VIL1: variants seen among roughly 807,000 people sequenced by gnomAD.
VIL1 encodes the protein villin 1.
Under a neutral mutation model 104.0 loss-of-function variants are expected in VIL1, and 86 were observed. The ratio of observed to expected loss-of-function variants is 0.83; its 90% CI spans 0.69 to 0.99. VIL1 has a LOEUF of 0.99. Ranked by LOEUF, VIL1 falls within the 50% of genes least tolerant of loss-of-function variation. The pLI, the probability that VIL1 is intolerant of heterozygous loss-of-function variation, is 0.00. For synonymous variants in VIL1, 394 were observed against 412.6 expected (o/e 0.95, Z 0.55); for missense variants, 944 against 1,054.1 (o/e 0.90, Z 1.45).
intron 4 of VIL1, among the ~76,000 whole-genome samples, chr2:218,427,182 C>CT (rs962248735): frequency 3.3e-5 from 5 of 152,196 alleles, no homozygotes; most frequent in Non-Finnish European, 7.4e-5. Flanking sequence ...AGTTCCCACT[C>CT]TTTTTTTGTC....
rs1688942512 is a variant in VIL1 at position 218,424,357 on chromosome 2, T to C, written c.150+6T>C. On this transcript the variant is annotated splice_donor_region_variant and intron_variant, in intron 3 of 19. Transcript: ENST00000248444. ...ACTGCTACATCATCCTGGCTGTGAG[T>C]CAGGGGCAGGGGAGGGGGCTGAGCA... 3.1e-6 allele frequency: 5 copies of C among 1,613,322 alleles called. No individual in the cohort carries two copies. The highest frequency in any genetic ancestry group is 4.2e-6 in the Non-Finnish European group (5 of 1,179,828).
rs1239013741 is a variant in VIL1 at position 218,451,528 on chromosome 2, T to C, written c.*2192T>C. On this transcript the variant is annotated 3_prime_UTR_variant, in exon 20 of 20. Transcript: ENST00000248444. ...GTAGATCACAAATGAGTTTACAAAC[T>C]ACTTTTTTTTCTCTTTAATTTAGGT... The C allele has an allele frequency of 6.6e-6, 1 of 151,788 alleles. No individual in the cohort carries two copies. The highest frequency in any genetic ancestry group is 1.5e-5 in the Non-Finnish European group (1 of 68,018). The allele number at this position is 151,788 out of a possible 1,614,324, so 9.4% of individuals were successfully genotyped here. A position where few individuals can be genotyped will look rare whatever the true frequency, so the allele number is the denominator to read the frequency against.
In VIL1 at chr2:218,425,811, T is replaced by C; in HGVS notation, c.347T>C (p.Val116Ala). 1 of 1,603,240 alleles carries C rather than the reference T, an allele frequency of 6.2e-7. No individual in the cohort carries two copies. The highest frequency in any genetic ancestry group is 8.5e-7 in the Non-Finnish European group (1 of 1,173,642). The change falls in exon 4 of 20, where the codon GTG (valine) becomes GCG (alanine). Residue 116 changes from valine (V) to alanine (A), a missense_variant and splice_region_variant. Physicochemically the swap from Val to Ala is moderately conservative, Grantham distance 64. Transcript: ENST00000248444. Reference sequence around the variant, plus strand: ...CGAGGCTACTTCAAGCAAGGCCTTGTGTAGGGAGGGTGGGCTGCAGGCCGG... The same window carrying C: ...CGAGGCTACTTCAAGCAAGGCCTTGCGTAGGGAGGGTGGGCTGCAGGCCGG... ...AFRGYFKQGL[V>A]IRKGGVASGM...
chr2:218,424,270 T>A lies in VIL1; in HGVS notation c.76-7T>A. The A allele has an allele frequency of 6.2e-7, 1 of 1,613,782 alleles. No homozygotes were observed. The highest frequency in any genetic ancestry group is 8.5e-7 in the Non-Finnish European group (1 of 1,179,894). ...GGCAGCCCCTCTGACCCTCTTTCTC[T>A]CCTTAGGCCATGCAGATGGTGCCTG... On this transcript the variant is annotated splice_region_variant and splice_polypyrimidine_tract_variant and intron_variant, in intron 2 of 19. Coordinates refer to ENST00000248444, the MANE Select transcript of VIL1 (RefSeq NM_007127.3).
Position 218,452,696 on chromosome 2 carries a change from A to T in VIL1, c.*3360A>T, listed in dbSNP as rs531016032. 1 of 152,354 alleles carries T rather than the reference A, an allele frequency of 6.6e-6. No individual in the cohort carries two copies. The highest frequency in any genetic ancestry group is 2.1e-4 in the South Asian group (1 of 4,830). The allele number at this position is 152,354 out of a possible 1,614,324, so 9.4% of individuals were successfully genotyped here. On this transcript the variant is annotated 3_prime_UTR_variant, in exon 20 of 20. Transcript: ENST00000248444. ...ACCATACACACATGAAAGCTATGAA[A>T]GCAATTCAAATGAGGCTGCTTCATG...
rs535047622 is a variant in VIL1 at position 218,435,383 on chromosome 2, C to T, written c.1775C>T (p.Ala592Val). The change falls in exon 15 of 20, where the codon GCC becomes GTC. Residue 592 changes from alanine (A) to valine (V), a missense_variant. Coordinates refer to ENST00000248444, the MANE Select transcript of VIL1 (RefSeq NM_007127.3). ...GTGGTGGTGGAAGGGCAGGAGCCAG[C>T]CAACTTCTGGATGGCCCTGGGTGGG... ...KQVVVEGQEP[A>V]NFWMALGGKA... 1.2e-6 allele frequency: 2 copies of T among 1,614,152 alleles called. No homozygotes were observed. Among genetic ancestry groups the T allele is most frequent in the Non-Finnish European group, 1.7e-6 (2 of 1,180,010 alleles).
intron 19 of VIL1, among the ~76,000 whole-genome samples, chr2:218,441,984 T>G (rs1686430907): frequency 6.7e-6 from 1 of 150,322 alleles, no homozygotes; most frequent in African/African-American, 2.5e-5. Context: ...TGTAACTCCA[T>G]CTCAAAATGA....
At chr2:218,420,059 C>T (rs1014128847) in intron 1 of VIL1, among the ~76,000 whole-genome samples, 18 of 152,280 alleles carry the variant, frequency 1.2e-4, no homozygotes, top group Admixed American at 3.9e-4. Context: ...CAGAGCTGCA[C>T]GACTGGGAAC....
intron 3 of VIL1, among the ~76,000 whole-genome samples, chr2:218,425,230 GC>G (rs1688959240): frequency 6.6e-6 from 1 of 151,970 alleles, no homozygotes; most frequent in African/African-American, 2.4e-5. Context: ...ACAGGCATCT[GC>G]CCCCACACCT....
intron 19 of VIL1, 76 bp from the exon 20 acceptor site, chr2:218,449,147 G>C (rs1003796359): frequency 9.5e-7 from 1 of 1,049,598 alleles, no homozygotes; most frequent in African/African-American, 1.6e-5. Context: ...TGACTCATCA[G>C]AGCAAACGGT....
chr2:218,423,814 C>T lies in VIL1; in HGVS notation c.36C>T (p.Leu12=). ...TKLSAQVKGS[L]NITTPGLQIW... ...TGAGCGCCCAAGTCAAAGGCTCTCTCAACATCACCACCCCGGGGCTGCAGA... is the reference window on the plus strand; with the variant it reads ...TGAGCGCCCAAGTCAAAGGCTCTCTTAACATCACCACCCCGGGGCTGCAGA... Residue 12 remains leucine, a synonymous_variant, in exon 2 of 20, where the codon CTC becomes CTT. Transcript: ENST00000248444. The T allele has an allele frequency of 6.2e-7, 1 of 1,614,188 alleles. No homozygotes were observed. The highest frequency in any genetic ancestry group is 2.2e-5 in the East Asian group (1 of 44,870).
intron 19 of VIL1, among the ~76,000 whole-genome samples, chr2:218,443,921 C>G (rs1433280127): frequency 6.6e-6 from 1 of 152,164 alleles, no homozygotes; most frequent in African/African-American, 2.4e-5. Flanking sequence ...TCCCGAAGTG[C>G]TGGGATTACA....
At chr2:218,420,400 G>A (rs1345562518) in intron 1 of VIL1, among the ~76,000 whole-genome samples, 2 of 124,988 alleles carry the variant, frequency 1.6e-5, no homozygotes, top group African/African-American at 6.0e-5. Flanking sequence ...TTGCACTCCA[G>A]CCTGGGTGAC....
At chr2:218,435,254 G>A in intron 14 of VIL1, 35 bp from the exon 15 acceptor site, 1 of 1,604,314 alleles carries the variant, frequency 6.2e-7, no homozygotes, top group Non-Finnish European at 8.5e-7. Context: ...AGGTAGGGGT[G>A]GCACTAGAAA....
intron 15 of VIL1, 38 bp from the exon 16 acceptor site, chr2:218,436,444 C>T (rs374526545): frequency 1.2e-4 from 198 of 1,597,154 alleles, no homozygotes; most frequent in Middle Eastern, 8.3e-4. Flanking sequence ...TTTGCCACAC[C>T]TTCCTTCTGC....
chr2:218,422,204 G>A (rs897745753), intron 1 of VIL1, among the ~76,000 whole-genome samples: 3 of 152,094 alleles, frequency 2.0e-5, no homozygotes, highest in Non-Finnish European at 4.4e-5. Context: ...GAAGTAAGCC[G>A]AGATTGTGCC....
rs370253861 is a variant in VIL1 at position 218,435,297 on chromosome 2, C to T, written c.1689C>T (p.Ser563=). 2.3e-5 allele frequency: 37 copies of T among 1,613,390 alleles called. No individual in the cohort carries two copies. The highest frequency in any genetic ancestry group is 2.6e-5 in the Non-Finnish European group (31 of 1,179,706). The change falls in exon 15 of 20, where the codon AGC becomes AGT. Residue 563 remains serine, a synonymous_variant. Transcript: ENST00000248444. ...CCYLWCGKGC[S]GDEREMAKMV... ...ACTCTTTTTTTTCCTAGGGTTGTAG[C>T]GGGGACGAGCGGGAGATGGCCAAGA...
chr2:218,426,543 C>T (rs1369294576), intron 4 of VIL1, among the ~76,000 whole-genome samples: 2 of 150,388 alleles, frequency 1.3e-5, no homozygotes, highest in Admixed American at 6.6e-5. Context: ...TGAGCCACTT[C>T]GTCTGGCCCC....
chr2:218,424,182 T>A, intron 2 of VIL1, 95 bp from the exon 3 acceptor site: 3 of 1,106,284 alleles, frequency 2.7e-6, no homozygotes, highest in Non-Finnish European at 4.0e-6. Context: ...GGCCCGGCTC[T>A]TTGTCTCCGA....
Sources: allele counts gnomAD v4.1 joint callset (sites outside exome capture counted in the v4.1 genomes callset), GRCh38; gene constraint gnomAD v4.1.1; transcripts MANE v1.5; gene names NCBI Gene and HGNC (gene_info 2026-07-23, HGNC 2026-07-21).